The following POLL variants were observed in gnomAD, a reference collection of about 807,000 sequenced individuals.
POLL encodes the protein DNA polymerase lambda.
In POLL, 44 loss-of-function variants were observed where a neutral mutation model predicts 58.1. The ratio of observed to expected loss-of-function variants is 0.76; its 90% confidence interval spans 0.60 to 0.97. The LOEUF (loss-of-function observed/expected upper bound fraction) is 0.97. POLL is among the 50% of genes least tolerant of loss of function. The pLI, the probability that POLL is intolerant of heterozygous loss-of-function variation, is 0.00. For synonymous variants in POLL, 290 were observed against 283.2 expected, an observed-to-expected ratio of 1.02 and a Z score of -0.24; for missense variants, 632 against 736.8, an observed-to-expected ratio of 0.86 and a Z score of 1.65.
chr10:101,580,248 C>T lies in POLL; in HGVS notation c.1363G>A (p.Gly455Arg). ...GCTCACCCAGAGATGGAGCTTATAC[C>T]TTCCTGCCGAAGACTGTCAAGGAGG... Reference protein sequence around the residue: ...SRLLDSLRQEGFLTDDLVSQE... With the variant: ...SRLLDSLRQERFLTDDLVSQE... Residue 455 changes from glycine to arginine, a missense_variant and splice_region_variant, in exon 8 of 9, where the codon GGG becomes AGG. Gly to Arg is a moderately radical substitution (Grantham distance 125). Coordinates refer to ENST00000370162, the MANE Select transcript of POLL (RefSeq NM_001174084.2). The surrounding 1 kb of genome is among the most constrained non-coding windows in gnomAD (Gnocchi z 4.1). 3 of 1,612,640 alleles carry T rather than the reference C, an allele frequency of 1.9e-6. No individual in the cohort carries two copies. Among genetic ancestry groups the T allele is most frequent in the Non-Finnish European group, 2.5e-6 (3 of 1,179,252 alleles).
intron 7 of POLL, chr10:101,581,633 A>G (rs567036924): frequency 6.6e-6 from 1 of 152,342 alleles, no homozygotes; most frequent in East Asian, 1.9e-4. Flanking sequence ...CAAATGATAC[A>G]TCTAGCCCTA....
Position 101,585,851 on chromosome 10 carries a change from G to T in POLL, c.410+11C>A. ...AGAAAACATTTGAAAAAAAGACTGG[G>T]ATCAGCCCACCTACTGGGGATGAAG... On this transcript the variant is annotated intron_variant, in intron 3 of 8. Transcript: ENST00000370162. 1 of 1,529,780 alleles carries T rather than the reference G, an allele frequency of 6.5e-7. No individual in the cohort carries two copies. Among genetic ancestry groups the T allele is most frequent in the Non-Finnish European group, 8.8e-7 (1 of 1,134,608 alleles). 94.8% of individuals were successfully genotyped at this position (1,529,780 alleles called of 1,614,324 possible).
At position 101,584,907 on chromosome 10, in the gene POLL, C is replaced by G. The variant is rs370102817; in HGVS notation, c.586G>C (p.Asp196His). 3.5e-6 allele frequency: 5 copies of G among 1,418,920 alleles called. No homozygotes were observed. Among genetic ancestry groups the G allele is most frequent in the Admixed American group, 5.3e-5 (2 of 37,892 alleles). 87.9% of individuals were successfully genotyped at this position (1,418,920 alleles called of 1,614,324 possible). A position where few individuals can be genotyped will look rare whatever the true frequency, so the allele number is the denominator to read the frequency against. Reference sequence around the variant, plus strand: ...GTTTCTTCCCCATCACTGGCTTCATCATCAGAGATGGGCTTGGGATAGAGA... The same window carrying G: ...GTTTCTTCCCCATCACTGGCTTCATGATCAGAGATGGGCTTGGGATAGAGA... ...PNTQAQPISD[D>H]EASDGEETQV... is the part of the protein sequence containing the mutation. The change falls in exon 5 of 9, where the codon GAT becomes CAT. Residue 196 changes from aspartate (D) to histidine (H), a missense_variant. Asp to His is a moderately conservative substitution (Grantham distance 81). Coordinates refer to ENST00000370162, the MANE Select transcript of POLL (RefSeq NM_001174084.2).
intron 2 of POLL, among the ~76,000 whole-genome samples, chr10:101,586,635 C>T (rs1254696253): frequency 6.6e-6 from 1 of 151,912 alleles, no homozygotes; most frequent in Non-Finnish European, 1.5e-5. Context: ...CTGGGATTAC[C>T]GGCGTGTGCC....
chr10:101,583,594 G>A lies in POLL; in HGVS notation c.979C>T (p.His327Tyr). The A allele has an allele frequency of 3.1e-6, 5 of 1,614,114 alleles. No homozygotes were observed. Among genetic ancestry groups the A allele is most frequent in the South Asian group, 2.2e-5 (2 of 91,082 alleles). The change falls in exon 6 of 9, where the codon CAT becomes TAT. Residue 327 changes from histidine to tyrosine, a missense_variant. Physicochemically the swap from His to Tyr is moderately conservative, Grantham distance 83 (BLOSUM62 2). Coordinates refer to ENST00000370162, the MANE Select transcript of POLL (RefSeq NM_001174084.2). ...LESGHLRKLD[H>Y]ISESVPVLEL... The stretch of plus-strand genomic sequence containing the variant: ...AAGACAGGCACGCTCTCACTGATAT[G>A]GTCCAGCTTCCGCAAATGCCCGCTC...
Position 101,585,889 on chromosome 10 carries a change from G to C in POLL, c.383C>G (p.Ala128Gly), listed in dbSNP as rs775476715. The change falls in exon 3 of 9, where the codon GCT becomes GGT. Residue 128 changes from alanine (A) to glycine (G), a missense_variant. Physicochemically the swap from Ala to Gly is moderately conservative, Grantham distance 60. Coordinates refer to ENST00000370162, the MANE Select transcript of POLL (RefSeq NM_001174084.2). ...CLQERRLVDV[A>G]GFSIFIPSRY... Reference sequence around the variant, plus strand: ...ACTGGGGATGAAGATGCTGAATCCAGCTACATCCACCAGCCTCCTCTCCTG... The same window carrying C: ...ACTGGGGATGAAGATGCTGAATCCACCTACATCCACCAGCCTCCTCTCCTG... 1.9e-6 allele frequency: 3 copies of C among 1,596,266 alleles called. No individual in the cohort carries two copies. The highest frequency in any genetic ancestry group is 8.6e-7 in the Non-Finnish European group (1 of 1,165,866).
rs373803211 is a variant in POLL, at chr10:101,583,605, C to T, written c.968G>A (p.Arg323Gln). The change falls in exon 6 of 9, where the codon CGG (arginine) becomes CAG (glutamine). Residue 323 changes from arginine (R) to glutamine (Q), a missense_variant. Arg to Gln is a conservative substitution (Grantham distance 43). Coordinates refer to ENST00000370162, the MANE Select transcript of POLL (RefSeq NM_001174084.2). ...IIEILESGHL[R>Q]KLDHISESVP... ...GCTCTCACTGATATGGTCCAGCTTCCGCAAATGCCCGCTCTCCAGGATCTC... is the reference window on the plus strand; with the variant it reads ...GCTCTCACTGATATGGTCCAGCTTCTGCAAATGCCCGCTCTCCAGGATCTC... The T allele has an allele frequency of 1.9e-5, 31 of 1,614,068 alleles. 1 individual carries two copies. Among genetic ancestry groups the T allele is most frequent in the South Asian group, 1.8e-4 (16 of 91,084 alleles).
intron 1 of POLL, 21 bp from the exon 2 acceptor site, chr10:101,587,427 T>C (rs759146580): frequency 3.7e-6 from 6 of 1,606,260 alleles, no homozygotes; most frequent in Admixed American, 1.7e-5. Flanking sequence ...AAATCCAGAA[T>C]TGAGGCCCTC....
At chr10:101,583,430 G>C in intron 6 of POLL, 78 bp downstream of exon 6, 2 of 1,485,412 alleles carry the variant, frequency 1.3e-6, no homozygotes, top group Middle Eastern at 2.4e-4. Flanking sequence ...AGGGATCTGG[G>C]GCAGAGCACA....
In POLL at chr10:101,583,616, G is replaced by A. The variant is rs201019235; in HGVS notation, c.957C>T (p.Ser319=). 8.8e-5 allele frequency: 142 copies of A among 1,614,136 alleles called. 1 individual carries two copies. Among genetic ancestry groups the A allele is most frequent in the Non-Finnish European group, 1.1e-4 (129 of 1,180,022 alleles). The change falls in exon 6 of 9, where the codon AGC becomes AGT. Residue 319 remains serine (S), a synonymous_variant. Coordinates refer to ENST00000370162, the MANE Select transcript of POLL (RefSeq NM_001174084.2). ...MAEKIIEILE[S]GHLRKLDHIS... ...TATGGTCCAGCTTCCGCAAATGCCC[G>A]CTCTCCAGGATCTCTATGATTTTCT...
rs951746632 is a variant in POLL at position 101,580,484 on chromosome 10, G to A, written c.1195-68C>T. 194 of 1,434,668 alleles carry A rather than the reference G, an allele frequency of 1.4e-4. No homozygotes were observed. Among genetic ancestry groups the A allele is most frequent in the Middle Eastern group, 2.0e-4 (1 of 4,884 alleles). 88.9% of individuals were successfully genotyped at this position (1,434,668 alleles called of 1,614,324 possible). The stretch of plus-strand genomic sequence containing the variant: ...AGCTCCTCTCCCACAGCAGTACAAG[G>A]GCCTTCCCAGACTCGGGCCCACACC... On this transcript the variant is annotated intron_variant, in intron 7 of 8. Coordinates refer to ENST00000370162, the MANE Select transcript of POLL (RefSeq NM_001174084.2). This position sits in a 1 kb window ranked among gnomAD's most constrained non-coding sequence, Gnocchi z 4.1.
chr10:101,582,967 G>A, intron 6 of POLL, 76 bp from the exon 7 acceptor site: 1 of 1,573,342 alleles, frequency 6.4e-7, no homozygotes, highest in African/African-American at 1.3e-5. Context: ...ACACACACAA[G>A]GCTTCCATCG....
chr10:101,580,898 C>G lies in POLL; in HGVS notation c.1195-482G>C. On this transcript the variant is annotated intron_variant, in intron 7 of 8. Transcript: ENST00000370162. This position sits in a 1 kb window ranked among gnomAD's most constrained non-coding sequence, Gnocchi z 4.1. Reference sequence around the variant, plus strand: ...GTTTGAGGACTGAGCAGGTGGCTGGCAGCATGCGCCAGGCCCAGGCCCAGG... The same window carrying G: ...GTTTGAGGACTGAGCAGGTGGCTGGGAGCATGCGCCAGGCCCAGGCCCAGG... 1 of 153,410 alleles carries G rather than the reference C, an allele frequency of 6.5e-6. No individual in the cohort carries two copies. Among genetic ancestry groups the G allele is most frequent in the Non-Finnish European group, 1.5e-5 (1 of 68,888 alleles). The allele number at this position is 153,410 out of a possible 1,614,324, so 9.5% of individuals were successfully genotyped here. A position where few individuals can be genotyped will look rare whatever the true frequency, so the allele number is the denominator to read the frequency against.
Position 101,579,795 on chromosome 10 carries a change from C to G in POLL, c.1386G>C (p.Val462=), listed in dbSNP as rs941237847. 5 of 1,613,318 alleles carry G rather than the reference C, an allele frequency of 3.1e-6. No homozygotes were observed. Among genetic ancestry groups the G allele is most frequent in the Non-Finnish European group, 4.2e-6 (5 of 1,179,700 alleles). ...RQEGFLTDDL[V]SQEENGQQQK... is the part of the protein sequence containing the mutation. ...GTTGCTGACCATTCTCCTCTTGGCT[C>G]ACCAAGTCATCTGTGAGGAACCCTG... The change falls in exon 9 of 9, where the codon GTG becomes GTC. Residue 462 remains valine, a synonymous_variant. Coordinates refer to ENST00000370162, the MANE Select transcript of POLL (RefSeq NM_001174084.2). This position sits in a 1 kb window ranked among gnomAD's most constrained non-coding sequence, Gnocchi z 4.4.
Position 101,583,295 on chromosome 10 carries a change from C to G in POLL, c.1065+213G>C, listed in dbSNP as rs1564867709. On this transcript the variant is annotated intron_variant, in intron 6 of 8. Coordinates refer to ENST00000370162, the MANE Select transcript of POLL (RefSeq NM_001174084.2). ...TGAGAAACATACTTCTTGTCCCTGT[C>G]TACTCCTTCTTAAGGATACCAAGCA... 6.6e-6 allele frequency: 4 copies of G among 603,224 alleles called. No individual in the cohort carries two copies. In the South Asian group the frequency reaches 8.3e-5, roughly 12 times the overall value. 37.4% of individuals were successfully genotyped at this position (603,224 alleles called of 1,614,324 possible).
At chr10:101,587,066 A>C in intron 2 of POLL, 180 bp downstream of exon 2, 2 of 1,335,170 alleles carry the variant, frequency 1.5e-6, no homozygotes, top group African/African-American at 2.9e-5. Context: ...GTAACACAGC[A>C]AATAGCCTGT....
chr10:101,584,851 G>A lies in POLL; in HGVS notation c.642C>T (p.Leu214=), dbSNP rs146527045. ...TQVSAADLEA[L]ISGHYPTSLE... ...GGGAGGTGGGGTAGTGGCCACTGAT[G>A]AGGGCTTCCAGATCAGCTGCACTAA... The change falls in exon 5 of 9, where the codon CTC becomes CTT. Residue 214 remains leucine, a synonymous_variant. Coordinates refer to ENST00000370162, the MANE Select transcript of POLL (RefSeq NM_001174084.2). 864 of 1,494,022 alleles carry A rather than the reference G, an allele frequency of 5.8e-4. 4 individuals are homozygous for A. The highest frequency in any genetic ancestry group is 2.7e-4 in the Non-Finnish European group (299 of 1,117,046). 92.5% of individuals were successfully genotyped at this position (1,494,022 alleles called of 1,614,324 possible).
rs774694362 is a variant in POLL at position 101,584,668 on chromosome 10, C to G, written c.825G>C (p.Arg275Ser). The G allele has an allele frequency of 6.2e-6, 10 of 1,613,198 alleles. No homozygotes were observed. In the African/African-American group the frequency reaches 1.3e-4, roughly 22 times the overall value. The stretch of plus-strand genomic sequence containing the variant: ...TGATGGCCTTGGCATAGCCCAGGGC[C>G]CTCCACTTGTCTCCCTGAACACTGT... ...KAYSVQGDKW[R>S]ALGYAKAINA... Residue 275 changes from arginine (R) to serine (S), a missense_variant, in exon 5 of 9, where the codon AGG becomes AGC. Coordinates refer to ENST00000370162, the MANE Select transcript of POLL (RefSeq NM_001174084.2).
Position 101,584,647 on chromosome 10 carries a change from G to C in POLL, c.846C>G (p.Ala282=), listed in dbSNP as rs2063195584. ...DKWRALGYAK[A]INALKSFHKP... is the part of the protein sequence containing the mutation. ...TATGGAAGCTCTTGAGGGCATTGAT[G>C]GCCTTGGCATAGCCCAGGGCCCTCC... The change falls in exon 5 of 9, where the codon GCC becomes GCG. Residue 282 remains alanine, a synonymous_variant. Coordinates refer to ENST00000370162, the MANE Select transcript of POLL (RefSeq NM_001174084.2). 6.2e-7 allele frequency: 1 copy of C among 1,606,080 alleles called. No individual in the cohort carries two copies. The highest frequency in any genetic ancestry group is 8.5e-7 in the Non-Finnish European group (1 of 1,176,610).
Sources: gnomAD v4.1 joint callset for allele counts (sites outside exome capture counted in the v4.1 genomes callset) on GRCh38, gnomAD v4.1.1 for gene constraint, Gnocchi (gnomAD v3.1) non-coding constraint, MANE v1.5 for transcripts, NCBI Gene and HGNC (gene_info 2026-07-23, HGNC 2026-07-21) for gene names.